The following MRTFB variants were observed in gnomAD, a reference collection of about 807,000 sequenced individuals.
MRTFB encodes myocardin-related transcription factor B.
In MRTFB, 29 loss-of-function variants were observed where a neutral mutation model predicts 104.2. The ratio of observed to expected loss-of-function variants is 0.28; its 90% CI spans 0.21 to 0.38. The LOEUF is 0.38. Ranked by LOEUF, MRTFB falls within the 10% of genes least tolerant of loss-of-function variation. The pLI is 1.00. For synonymous variants in MRTFB, 535 were observed against 519.5 expected, an observed-to-expected ratio of 1.03 and a Z score of -0.41; for missense variants, 1,270 against 1,341.6, an observed-to-expected ratio of 0.95 and a Z score of 0.83.
chr16:14,259,596 A>G (rs1424913779), intron 16 of MRTFB, among the ~76,000 whole-genome samples: 1 of 152,118 alleles, frequency 6.6e-6, no homozygotes, highest in Non-Finnish European at 1.5e-5. Context: ...CTAAAAATAC[A>G]ACAATTAGCT....
At chr16:14,041,391 G>A in the MRTFB span, among the ~76,000 whole-genome samples, 10 of 152,136 alleles carry the variant, frequency 6.6e-5, no homozygotes, top group Admixed American at 3.3e-4. Context: ...TCTGTTCTCT[G>A]AGTTTGACTT....
intron 8 of MRTFB, among the ~76,000 whole-genome samples, chr16:14,225,784 C>T (rs2041976246): frequency 1.3e-5 from 2 of 152,188 alleles, no homozygotes; most frequent in South Asian, 4.1e-4. Context: ...CCACCTCAGC[C>T]TCCCAGAGAT....
chr16:14,260,535 C>T (rs1358162182), intron 16 of MRTFB, among the ~76,000 whole-genome samples: 3 of 151,860 alleles, frequency 2.0e-5, no homozygotes, highest in Non-Finnish European at 4.4e-5. Context: ...GACAAAATAA[C>T]GACTCAAAGA....
At chr16:14,157,293 A>T (rs1311613842) in intron 3 of MRTFB, among the ~76,000 whole-genome samples, 1 of 152,256 alleles carries the variant, frequency 6.6e-6, no homozygotes, top group African/African-American at 2.4e-5. Flanking sequence ...GCTTTAAAGA[A>T]GAATTTAGGT....
intron 9 of MRTFB, among the ~76,000 whole-genome samples, chr16:14,237,931 C>T (rs944128609): frequency 6.6e-6 from 1 of 151,986 alleles, no homozygotes; most frequent in Non-Finnish European, 1.5e-5. Context: ...ACAGGATGGC[C>T]ACGTAGCACT....
intron 9 of MRTFB, among the ~76,000 whole-genome samples, chr16:14,238,957 T>G (rs958744574): frequency 6.6e-6 from 1 of 152,244 alleles, no homozygotes; most frequent in South Asian, 2.1e-4. Flanking sequence ...CCTTTGCCAA[T>G]TCCCATGGTG....
At chr16:13,999,408 T>TATC in the MRTFB span, among the ~76,000 whole-genome samples, 2 of 150,606 alleles carry the variant, frequency 1.3e-5, no homozygotes, top group Admixed American at 6.6e-5. Flanking sequence ...TTTCACTTCC[T>TATC]ATCTCCACAC....
chr16:14,230,787 A>G (rs1298302234), intron 8 of MRTFB, among the ~76,000 whole-genome samples: 2 of 152,138 alleles, frequency 1.3e-5, no homozygotes, highest in Non-Finnish European at 2.9e-5. Context: ...TACCGGGTAT[A>G]TACCCAAAGG....
At chr16:14,015,503 C>T in the MRTFB span, among the ~76,000 whole-genome samples, 1 of 152,080 alleles carries the variant, frequency 6.6e-6, no homozygotes, top group Non-Finnish European at 1.5e-5. Context: ...GTGGAAAGCC[C>T]CTCAACACAC....
At chr16:14,218,676 C>A in intron 7 of MRTFB, 144 bp from the exon 8 acceptor site, 1 of 711,784 alleles carries the variant, frequency 1.4e-6, no homozygotes. Context: ...GTGGTGTGTT[C>A]TTGCACTGGG....
At chr16:14,169,577 C>T (rs917067884) in intron 3 of MRTFB, among the ~76,000 whole-genome samples, 1 of 152,024 alleles carries the variant, frequency 6.6e-6, no homozygotes, top group African/African-American at 2.4e-5. Flanking sequence ...TATTCATTTT[C>T]TTGAATTATC....
chr16:14,082,326 T>C (rs1395007415), intron 2 of MRTFB, among the ~76,000 whole-genome samples: 1 of 152,208 alleles, frequency 6.6e-6, no homozygotes, highest in African/African-American at 2.4e-5. Flanking sequence ...CTTGGCACCT[T>C]TGTCAAAAAT....
At chr16:14,092,084 G>A (rs1184285890) in intron 2 of MRTFB, among the ~76,000 whole-genome samples, 3 of 151,198 alleles carry the variant, frequency 2.0e-5, no homozygotes, top group African/African-American at 4.9e-5. Flanking sequence ...CCAATAAAAA[G>A]GTTCAGGGAT....
intron 8 of MRTFB, among the ~76,000 whole-genome samples, chr16:14,221,815 T>TCTGTCA (rs1263149658): frequency 7.4e-6 from 1 of 135,736 alleles, no homozygotes; most frequent in Non-Finnish European, 1.6e-5. Context: ...GGAGTCTCAC[T>TCTGTCA]CTGTCACCCA....
At chr16:14,249,948 TCTC>T (rs2043187672) in intron 13 of MRTFB, among the ~76,000 whole-genome samples, 1 of 152,114 alleles carries the variant, frequency 6.6e-6, no homozygotes, top group African/African-American at 2.4e-5. Flanking sequence ...TGCTTCAGAA[TCTC>T]CTCTGCGAGA....
chr16:14,254,400 T>C lies in MRTFB; in HGVS notation c.2703+1898T>C, dbSNP rs2043390803. Among the ~76,000 whole-genome samples the C allele has an allele frequency of 3.9e-5, 6 of 152,356 alleles. No individual in the cohort carries two copies. In the South Asian group the frequency reaches 1.2e-3, roughly 32 times the overall value. Reference sequence around the variant, plus strand: ...CAGGAAGGGAGTGATGTGGCATGATTTCCCTCTTTGTGCTGCTTTTACTCT... The same window carrying C: ...CAGGAAGGGAGTGATGTGGCATGATCTCCCTCTTTGTGCTGCTTTTACTCT... On this transcript the variant is annotated intron_variant, in intron 15 of 16. Coordinates refer to ENST00000571589, the MANE Select transcript of MRTFB (RefSeq NM_001308142.2).
chr16:14,253,968 A>G (rs372611588), intron 15 of MRTFB, among the ~76,000 whole-genome samples: 2 of 152,332 alleles, frequency 1.3e-5, no homozygotes, highest in South Asian at 2.1e-4. Flanking sequence ...AGACGAAGTG[A>G]ATTGCCAAGA....
intron 6 of MRTFB, among the ~76,000 whole-genome samples, chr16:14,215,091 A>G (rs2041359058): frequency 6.6e-6 from 1 of 152,194 alleles, no homozygotes; most frequent in Non-Finnish European, 1.5e-5. Context: ...ACATTTTTGT[A>G]GTAACAATGC....
upstream of MRTFB, among the ~76,000 whole-genome samples, chr16:14,067,220 CTTTT>C (rs1236193770): frequency 3.9e-5 from 5 of 127,976 alleles, no homozygotes; most frequent in East Asian, 2.3e-4. Context: ...TGTTAACCCT[CTTTT>C]TTTTTTTTTT....
Sources: allele counts gnomAD v4.1 joint callset (sites outside exome capture counted in the v4.1 genomes callset), GRCh38; gene constraint gnomAD v4.1.1; transcripts MANE v1.5; gene names NCBI Gene and HGNC (gene_info 2026-07-23, HGNC 2026-07-21).